Variants in DNAL1 observed in about 807,000 individuals in gnomAD.
DNAL1 encodes the protein dynein axonemal light chain 1, also known as chromosome 14 open reading frame 168.
DNAL1 carries 17 observed loss-of-function variants against 29.4 expected under a neutral mutation model. The ratio of observed to expected loss-of-function variants is 0.58; its 90% CI spans 0.40 to 0.87. The LOEUF (loss-of-function observed/expected upper bound fraction) is 0.87. DNAL1 is among the 40% of genes least tolerant of loss of function. The probability of loss-of-function intolerance (pLI) is 0.00; values close to 1 mark genes in which losing one functional copy is unlikely to be tolerated. For synonymous variants in DNAL1, 78 were observed against 76.3 expected (o/e 1.02, Z -0.12); for missense variants, 188 against 214.1 (o/e 0.88, Z 0.76).
intron 1 of DNAL1, among the ~76,000 whole-genome samples, chr14:73,647,136 A>T (rs568312845): frequency 9.4e-4 from 143 of 152,128 alleles, no homozygotes; most frequent in Middle Eastern, 6.8e-3. Context: ...AGGTGGGCGG[A>T]TCACGAGGTC....
At chr14:73,645,710 G>A (rs1890962198) in intron 1 of DNAL1, among the ~76,000 whole-genome samples, 1 of 152,224 alleles carries the variant, frequency 6.6e-6, no homozygotes, top group African/African-American at 2.4e-5. Context: ...ACCACACTGA[G>A]AAATGCTGTT....
chr14:73,651,759 C>T (rs1329242989), intron 1 of DNAL1, among the ~76,000 whole-genome samples: 1 of 152,134 alleles, frequency 6.6e-6, no homozygotes, highest in Non-Finnish European at 1.5e-5. Context: ...TGGATTTAAA[C>T]AATTCTTCTG....
chr14:73,659,298 A>T (rs1229065559), intron 3 of DNAL1, among the ~76,000 whole-genome samples: 1 of 151,762 alleles, frequency 6.6e-6, no homozygotes, highest in African/African-American at 2.4e-5. Context: ...GGTAGCTGAG[A>T]CTACAAGGCA....
chr14:73,680,921 A>G (rs1295568253), intron 5 of DNAL1, among the ~76,000 whole-genome samples: 1 of 152,238 alleles, frequency 6.6e-6, no homozygotes, highest in African/African-American at 2.4e-5. Context: ...ATATCTAAAC[A>G]TAGAAAAAGT....
At chr14:73,685,954 A>C (rs1566890202) in intron 5 of DNAL1, among the ~76,000 whole-genome samples, 1 of 152,112 alleles carries the variant, frequency 6.6e-6, no homozygotes, top group Non-Finnish European at 1.5e-5. Context: ...CCCGAAGTGG[A>C]ATGGCTGGAT....
Position 73,702,024 on chromosome 14 carries a change from TATTCAGTCCAAAGAA to T in DNAL1, c.*6089_*6103del, listed in dbSNP as rs1892447556. 1 of 152,130 alleles carries T rather than the reference TATTCAGTCCAAAGAA, an allele frequency of 6.6e-6. No homozygotes were observed. Among genetic ancestry groups the T allele is most frequent in the African/African-American group, 2.4e-5 (1 of 41,430 alleles). 9.4% of individuals were successfully genotyped at this position (152,130 alleles called of 1,614,324 possible). On this transcript the variant is annotated 3_prime_UTR_variant, in exon 8 of 8. Coordinates refer to ENST00000553645, the MANE Select transcript of DNAL1 (RefSeq NM_031427.4). ...GAGCAATTATATAAACTTCTAGTGA[TATTCAGTCCAAAGAA>T]ATTCAGCCTTTGGATAACATGTACC... is the stretch of plus-strand genomic sequence containing the variant.
intron 3 of DNAL1, among the ~76,000 whole-genome samples, chr14:73,661,322 A>G (rs552405441): frequency 6.6e-6 from 1 of 152,250 alleles, no homozygotes; most frequent in East Asian, 1.9e-4. Context: ...AGATTTTTTC[A>G]ATTTTTCTGC....
At chr14:73,691,059 CTAAT>C (rs1237899396) in intron 7 of DNAL1, among the ~76,000 whole-genome samples, 2 of 152,118 alleles carry the variant, frequency 1.3e-5, no homozygotes, top group Non-Finnish European at 2.9e-5. Context: ...TGAAATTGTG[CTAAT>C]TAATTAATCT....
intron 1 of DNAL1, among the ~76,000 whole-genome samples, chr14:73,654,179 T>C (rs1349089304): frequency 6.6e-6 from 1 of 152,220 alleles, no homozygotes; most frequent in African/African-American, 2.4e-5. Context: ...AATTTCAATA[T>C]TAAAATGTAA....
At chr14:73,685,078 T>C (rs1891985592) in intron 5 of DNAL1, among the ~76,000 whole-genome samples, 2 of 152,216 alleles carry the variant, frequency 1.3e-5, no homozygotes, top group African/African-American at 2.4e-5. Flanking sequence ...CTTAAAGAAC[T>C]TGTCCAACTT....
chr14:73,675,339 G>A (rs114039356), intron 5 of DNAL1, among the ~76,000 whole-genome samples: 140 of 151,384 alleles, frequency 9.2e-4, no homozygotes, highest in African/African-American at 3.3e-3. Context: ...CTGTAATCTC[G>A]GACTAGTATA....
At chr14:73,665,262 G>A (rs945663160) in intron 4 of DNAL1, among the ~76,000 whole-genome samples, 2 of 151,962 alleles carry the variant, frequency 1.3e-5, no homozygotes, top group Admixed American at 6.6e-5. Flanking sequence ...GTTGGCCTTC[G>A]GTATTTACAT....
intron 2 of DNAL1, among the ~76,000 whole-genome samples, chr14:73,657,571 A>G (rs932880940): frequency 9.9e-5 from 15 of 152,082 alleles, no homozygotes; most frequent in African/African-American, 3.6e-4. Context: ...CACTCTGTTT[A>G]TTGTTTCCTC....
intron 4 of DNAL1, among the ~76,000 whole-genome samples, chr14:73,662,306 G>A (rs1292146398): frequency 3.3e-5 from 5 of 152,122 alleles, no homozygotes; most frequent in African/African-American, 1.2e-4. Context: ...TTTTAATTGT[G>A]TATTTCTTTG....
At position 73,701,576 on chromosome 14, in the gene DNAL1, G is replaced by T. The variant is rs1186232044; in HGVS notation, c.*5634G>T. 1 of 152,210 alleles carries T rather than the reference G, an allele frequency of 6.6e-6. No individual in the cohort carries two copies. Among genetic ancestry groups the T allele is most frequent in the Non-Finnish European group, 1.5e-5 (1 of 68,046 alleles). 9.4% of individuals were successfully genotyped at this position (152,210 alleles called of 1,614,324 possible). A position where few individuals can be genotyped will look rare whatever the true frequency, so the allele number is the denominator to read the frequency against. On this transcript the variant is annotated 3_prime_UTR_variant, in exon 8 of 8. Coordinates refer to ENST00000553645, the MANE Select transcript of DNAL1 (RefSeq NM_031427.4). Reference sequence around the variant, plus strand: ...TGTAGAGTTGTCTAACATTATATGGGTGGGAGGCTCTTTGCCTCTGTGATC... The same window carrying T: ...TGTAGAGTTGTCTAACATTATATGGTTGGGAGGCTCTTTGCCTCTGTGATC...
At chr14:73,651,721 A>G (rs1029603370) in intron 1 of DNAL1, among the ~76,000 whole-genome samples, 1 of 152,178 alleles carries the variant, frequency 6.6e-6, no homozygotes, top group African/African-American at 2.4e-5. Context: ...CAATGCCGCA[A>G]TCTCGGCTCA....
chr14:73,645,474 CTG>C (rs1890957835), intron 1 of DNAL1, among the ~76,000 whole-genome samples: 1 of 152,156 alleles, frequency 6.6e-6, no homozygotes, highest in Non-Finnish European at 1.5e-5. Context: ...TTTTCGTAAC[CTG>C]TGATGTACCC....
intron 5 of DNAL1, among the ~76,000 whole-genome samples, chr14:73,686,793 A>G (rs530819317): frequency 7.9e-5 from 12 of 152,344 alleles, no homozygotes; most frequent in African/African-American, 2.6e-4. Context: ...ACCTAGCTCT[A>G]TTATTTAATA....
chr14:73,679,148 C>T (rs763560863), intron 5 of DNAL1, among the ~76,000 whole-genome samples: 3 of 152,118 alleles, frequency 2.0e-5, no homozygotes, highest in Non-Finnish European at 4.4e-5. Flanking sequence ...AGGCACATGC[C>T]ACCACACCCG....
Sources: allele counts gnomAD v4.1 joint callset (sites outside exome capture counted in the v4.1 genomes callset), GRCh38; gene constraint gnomAD v4.1.1; transcripts MANE v1.5; gene names NCBI Gene and HGNC (gene_info 2026-07-23, HGNC 2026-07-21).